BRINP3: variants seen among roughly 807,000 people sequenced by gnomAD.
BRINP3 encodes BMP/retinoic acid inducible neural specific 3.
BRINP3 carries 19 observed loss-of-function variants against 71.0 expected under a neutral mutation model. That is an observed-to-expected ratio of 0.27 (90% CI 0.19 to 0.39). The LOEUF (loss-of-function observed/expected upper bound fraction) is 0.39, where lower values mean the gene tolerates loss of function less well. BRINP3 is among the 10% of genes least tolerant of loss of function. The probability of loss-of-function intolerance (pLI) is 1.00; values close to 1 mark genes in which losing one functional copy is unlikely to be tolerated. For synonymous variants in BRINP3, 380 were observed against 337.7 expected (o/e 1.13, Z -1.37); for missense variants, 959 against 940.8 (o/e 1.02, Z -0.25).
intron 2 of BRINP3, among the ~76,000 whole-genome samples, chr1:190,387,628 T>C (rs917038719): frequency 1.3e-5 from 2 of 151,866 alleles, no homozygotes; most frequent in African/African-American, 4.8e-5. Context: ...CAGGACAACA[T>C]GTTGTCCTGA....
chr1:190,226,131 A>G lies in BRINP3; in HGVS notation c.912T>C (p.Leu304=). ...MDIQAMEENL[L]RITETWKAYN... is the part of the protein sequence containing the mutation. Reference sequence around the variant, plus strand: ...AAGCTTTCCAGGTTTCAGTTATTCGAAGAAGATTCTCTTCCATGGCTTGAA... The same window carrying G: ...AAGCTTTCCAGGTTTCAGTTATTCGGAGAAGATTCTCTTCCATGGCTTGAA... The change falls in exon 6 of 8, where the codon CTT becomes CTC. Residue 304 remains leucine (L), a synonymous_variant. Transcript: ENST00000367462. The G allele has an allele frequency of 6.2e-7, 1 of 1,611,318 alleles. No homozygotes were observed. Among genetic ancestry groups the G allele is most frequent in the Non-Finnish European group, 8.5e-7 (1 of 1,178,344 alleles).
At chr1:190,249,769 C>T (rs1659961953) in intron 4 of BRINP3, among the ~76,000 whole-genome samples, 1 of 151,732 alleles carries the variant, frequency 6.6e-6, no homozygotes, top group African/African-American at 2.4e-5. Flanking sequence ...CTAGTTAAAG[C>T]AGGCCCCAAA....
chr1:190,174,709 G>A (rs910864047), intron 6 of BRINP3, among the ~76,000 whole-genome samples: 6 of 152,034 alleles, frequency 3.9e-5, no homozygotes, highest in Admixed American at 6.6e-5. Flanking sequence ...ATATTCCTAA[G>A]AGTTTAATAT....
At chr1:190,466,094 T>C (rs1233454369) in intron 1 of BRINP3, among the ~76,000 whole-genome samples, 1 of 151,652 alleles carries the variant, frequency 6.6e-6, no homozygotes, top group African/African-American at 2.4e-5. Flanking sequence ...TGGACAATAT[T>C]GCCCCTGCAC....
chr1:190,186,809 T>G (rs574277016), intron 6 of BRINP3, among the ~76,000 whole-genome samples: 1 of 151,250 alleles, frequency 6.6e-6, no homozygotes, highest in South Asian at 2.1e-4. Flanking sequence ...GTATGGTAAA[T>G]AGAAAAAAAA....
At chr1:190,107,915 T>A (rs978454941) in intron 7 of BRINP3, among the ~76,000 whole-genome samples, 4 of 152,032 alleles carry the variant, frequency 2.6e-5, no homozygotes, top group South Asian at 4.1e-4. Context: ...TTTCTGGTAT[T>A]GTAAGTCATG....
chr1:190,203,753 ATATATATATATATATATATATATATAT>A (rs1558061824), intron 6 of BRINP3, among the ~76,000 whole-genome samples: 158 of 5,362 alleles, frequency 0.029, 6 homozygotes, highest in African/African-American at 0.12. Flanking sequence ...TAAAGAAAAT[ATATATATATATATATATATATATATAT>A]ATATATATAT....
chr1:190,349,155 T>C (rs979886207), intron 2 of BRINP3, among the ~76,000 whole-genome samples: 9 of 152,112 alleles, frequency 5.9e-5, no homozygotes, highest in African/African-American at 2.2e-4. Flanking sequence ...GAGGGACAAC[T>C]GACACCAGAA....
At chr1:190,339,956 C>A (rs1667546969) in intron 2 of BRINP3, among the ~76,000 whole-genome samples, 1 of 151,844 alleles carries the variant, frequency 6.6e-6, no homozygotes, top group African/African-American at 2.4e-5. Flanking sequence ...GTCCATTTGT[C>A]CAATTTATTA....
chr1:190,356,073 A>G (rs1305488878), intron 2 of BRINP3, among the ~76,000 whole-genome samples: 1 of 151,932 alleles, frequency 6.6e-6, no homozygotes, highest in Non-Finnish European at 1.5e-5. Context: ...GTTGGCCAGT[A>G]AGAATGGTCT....
At chr1:190,116,409 G>A (rs1374198515) in intron 7 of BRINP3, among the ~76,000 whole-genome samples, 1 of 152,048 alleles carries the variant, frequency 6.6e-6, no homozygotes, top group Non-Finnish European at 1.5e-5. Context: ...AGCTTTCAAA[G>A]TGGTATGTCA....
At chr1:190,252,142 CA>C (rs1660206209) in intron 4 of BRINP3, among the ~76,000 whole-genome samples, 2 of 151,886 alleles carry the variant, frequency 1.3e-5, no homozygotes, top group African/African-American at 4.8e-5. Context: ...ACAAATTCAC[CA>C]AAATGCATTC....
intron 4 of BRINP3, among the ~76,000 whole-genome samples, chr1:190,240,251 A>T (rs1022050146): frequency 1.3e-5 from 2 of 152,022 alleles, no homozygotes; most frequent in Non-Finnish European, 1.5e-5. Flanking sequence ...TATTTTAAAT[A>T]TGCAATTCTT....
At chr1:190,303,508 T>G (rs527290059) in intron 2 of BRINP3, among the ~76,000 whole-genome samples, 1 of 151,740 alleles carries the variant, frequency 6.6e-6, no homozygotes, top group East Asian at 1.9e-4. Flanking sequence ...TATCTGACAA[T>G]GAAAATAAAT....
At chr1:190,191,931 G>A (rs1424280344) in intron 6 of BRINP3, among the ~76,000 whole-genome samples, 1 of 151,966 alleles carries the variant, frequency 6.6e-6, no homozygotes, top group Non-Finnish European at 1.5e-5. Flanking sequence ...TTTAAAAATA[G>A]AAGTATAACA....
At chr1:190,348,634 C>T (rs370155336) in intron 2 of BRINP3, among the ~76,000 whole-genome samples, 2 of 152,064 alleles carry the variant, frequency 1.3e-5, no homozygotes, top group Non-Finnish European at 1.5e-5. Context: ...ATCTAAATGA[C>T]CCTGGAAATA....
intron 5 of BRINP3, among the ~76,000 whole-genome samples, chr1:190,232,473 A>G (rs147087749): frequency 9.2e-5 from 14 of 152,172 alleles, no homozygotes; most frequent in African/African-American, 3.4e-4. Context: ...TTGACTTCCT[A>G]ATAGTATTTT....
At chr1:190,154,400 G>C (rs1656684063) in intron 7 of BRINP3, among the ~76,000 whole-genome samples, 1 of 152,134 alleles carries the variant, frequency 6.6e-6, no homozygotes, top group Admixed American at 6.6e-5. Flanking sequence ...CCTGGGTGTA[G>C]GTGGGAAAAG....
intron 1 of BRINP3, among the ~76,000 whole-genome samples, chr1:190,471,692 T>A (rs1677148708): frequency 6.6e-6 from 1 of 151,400 alleles, no homozygotes; most frequent in Admixed American, 6.6e-5. Context: ...TGAAAATATT[T>A]TAATCTTGTT....
Sources: gnomAD v4.1 joint callset for allele counts (sites outside exome capture counted in the v4.1 genomes callset) on GRCh38, gnomAD v4.1.1 for gene constraint, MANE v1.5 for transcripts, NCBI Gene and HGNC (gene_info 2026-07-23, HGNC 2026-07-21) for gene names.